Variants in ANKRD46 observed in about 807,000 individuals in gnomAD.
The protein encoded by ANKRD46 is ankyrin repeat domain-containing protein 46.
Under a neutral mutation model 19.8 loss-of-function variants are expected in ANKRD46, and 13 were observed. The observed-to-expected ratio is 0.66, with a 90% CI of 0.43 to 1.04. ANKRD46 has a LOEUF of 1.04. Among genes scored for constraint, ANKRD46 ranks in the 50% least tolerant of loss-of-function variants. The pLI is 0.00. For missense variants in ANKRD46, 185 were observed against 274.8 expected (o/e 0.67, Z 2.31); for synonymous variants, 91 against 106.9 (o/e 0.85, Z 0.92).
rs1295445280 is a variant in ANKRD46 at position 100,557,519 on chromosome 8, CAG to C, written c.-131+2190_-131+2191del. ...TACAGTCAACACTGAACACAGCAGC[CAG>C]AGTGATCCTTTAAAAACCTTAAGCC... On this transcript the variant is annotated intron_variant, in intron 1 of 4. Transcript: ENST00000335659. This position sits in a 1 kb window ranked among gnomAD's most constrained non-coding sequence, Gnocchi z 5.9. 6.6e-6 allele frequency among the ~76,000 whole-genome samples: 1 copy of C among 152,180 alleles called. No homozygotes were observed. Among genetic ancestry groups the C allele is most frequent in the East Asian group, 1.9e-4 (1 of 5,202 alleles).
At position 100,537,118 on chromosome 8, in the gene ANKRD46, T is replaced by G. The variant is rs1437310542; in HGVS notation, c.-130-3807A>C. On this transcript the variant is annotated intron_variant, in intron 1 of 4. Transcript: ENST00000335659. This position sits in a 1 kb window ranked among gnomAD's most constrained non-coding sequence, Gnocchi z 4.2. ...TTGGATCCACAATCTTAGGTCAATC[T>G]GTAAAACTTTAAGATATAATAGTAT... Among the ~76,000 whole-genome samples, 1 of 152,218 alleles carries G rather than the reference T, an allele frequency of 6.6e-6. No homozygotes were observed. The highest frequency in any genetic ancestry group is 1.5e-5 in the Non-Finnish European group (1 of 68,024).
chr8:100,522,276 C>T lies in ANKRD46; in HGVS notation c.*279G>A. On this transcript the variant is annotated 3_prime_UTR_variant, in exon 5 of 5. Transcript: ENST00000335659. ...AGCTTCTTCCTTTATCTTCCATTCT[C>T]TAGTCACTTCCGTGTTTTTATCAAA... 1 of 1,215,900 alleles carries T rather than the reference C, an allele frequency of 8.2e-7. No individual in the cohort carries two copies. The highest frequency in any genetic ancestry group is 2.4e-5 in the South Asian group (1 of 42,288). The allele number at this position is 1,215,900 out of a possible 1,614,324, so 75.3% of individuals were successfully genotyped here.
Position 100,557,177 on chromosome 8 carries a change from C to T in ANKRD46, c.-131+2534G>A, listed in dbSNP as rs191216970. On this transcript the variant is annotated intron_variant, in intron 1 of 4. Transcript: ENST00000335659. This position sits in a 1 kb window ranked among gnomAD's most constrained non-coding sequence, Gnocchi z 5.9. ...CAGTTGGACCTTTCTCTTCAACTCCCGTCTCTATAACCCCACTTGAACAGG... is the reference window on the plus strand; with the variant it reads ...CAGTTGGACCTTTCTCTTCAACTCCTGTCTCTATAACCCCACTTGAACAGG... Among the ~76,000 whole-genome samples the T allele has an allele frequency of 8.9e-4, 135 of 152,306 alleles. No individual in the cohort carries two copies. Among genetic ancestry groups the T allele is most frequent in the African/African-American group, 3.0e-3 (126 of 41,560 alleles).
rs2022926 is a variant in ANKRD46, at chr8:100,536,981, T to C, written c.-130-3670A>G. On this transcript the variant is annotated intron_variant, in intron 1 of 4. Transcript: ENST00000335659. The surrounding 1 kb of genome is among the most constrained non-coding windows in gnomAD (Gnocchi z 4.9). Reference sequence around the variant, plus strand: ...ATCGCGGCAACAAGAGCTTCTTATGTCAACCAGCGTGATTGTCTCAACCCA... The same window carrying C: ...ATCGCGGCAACAAGAGCTTCTTATGCCAACCAGCGTGATTGTCTCAACCCA... Among the ~76,000 whole-genome samples the C allele has an allele frequency of 7.4e-3, 1,129 of 152,306 alleles. 19 individuals are homozygous for C. The highest frequency in any genetic ancestry group is 0.026 in the African/African-American group (1,078 of 41,554).
Position 100,536,841 on chromosome 8 carries a change from T to C in ANKRD46, c.-130-3530A>G, listed in dbSNP as rs1270433991. Among the ~76,000 whole-genome samples the C allele has an allele frequency of 9.2e-5, 14 of 152,144 alleles. No individual in the cohort carries two copies. The East Asian group carries it at 2.5e-3, about 27-fold the overall frequency. The stretch of plus-strand genomic sequence containing the variant: ...TAAAAGCAGAACTTTGGGGGTCAGG[T>C]TTTTGAGGGCTGGTGTAGCCTGACA... On this transcript the variant is annotated intron_variant, in intron 1 of 4. Transcript: ENST00000335659. The surrounding 1 kb of genome is among the most constrained non-coding windows in gnomAD (Gnocchi z 4.9).
At position 100,559,335 on chromosome 8, in the gene ANKRD46, G is replaced by C. The variant is rs1812566222; in HGVS notation, c.-131+376C>G. Reference sequence around the variant, plus strand: ...TGCAAGCACACGCCGCGAAAGCACCGTCTCGCCCCGGCCGAGCAGCTGGAC... The same window carrying C: ...TGCAAGCACACGCCGCGAAAGCACCCTCTCGCCCCGGCCGAGCAGCTGGAC... On this transcript the variant is annotated intron_variant, in intron 1 of 4. Transcript: ENST00000335659. This position sits in a 1 kb window ranked among gnomAD's most constrained non-coding sequence, Gnocchi z 6.0. 1 of 152,444 alleles carries C rather than the reference G, an allele frequency of 6.6e-6. No individual in the cohort carries two copies. The highest frequency in any genetic ancestry group is 1.5e-5 in the Non-Finnish European group (1 of 68,226). The allele number at this position is 152,444 out of a possible 1,614,324, so 9.4% of individuals were successfully genotyped here.
chr8:100,528,877 G>T (rs746683841), intron 3 of ANKRD46, among the ~76,000 whole-genome samples: 1 of 152,134 alleles, frequency 6.6e-6, no homozygotes, highest in Non-Finnish European at 1.5e-5. Context: ...TTTTACAGGT[G>T]ACTTGACATC....
At chr8:100,549,503 T>TA (rs1385104738) in intron 1 of ANKRD46, among the ~76,000 whole-genome samples, 1 of 152,242 alleles carries the variant, frequency 6.6e-6, no homozygotes, top group East Asian at 1.9e-4. Flanking sequence ...TAATTTTGCA[T>TA]AAAAATTGCA....
chr8:100,513,212 T>C (rs1296312478), intron 5 of ANKRD46, among the ~76,000 whole-genome samples: 1 of 152,208 alleles, frequency 6.6e-6, no homozygotes, highest in Non-Finnish European at 1.5e-5. Context: ...TCCTTTCAGA[T>C]GTGGGTCTTC....
At chr8:100,531,278 C>T (rs1374232940) in intron 2 of ANKRD46, among the ~76,000 whole-genome samples, 1 of 152,200 alleles carries the variant, frequency 6.6e-6, no homozygotes, top group Non-Finnish European at 1.5e-5. Flanking sequence ...TTGGCTTATA[C>T]AGCTGATCAG....
In ANKRD46 at chr8:100,557,387, C is replaced by T. The variant is rs992970676; in HGVS notation, c.-131+2324G>A. Among the ~76,000 whole-genome samples the T allele has an allele frequency of 2.6e-5, 4 of 152,238 alleles. No homozygotes were observed. Among genetic ancestry groups the T allele is most frequent in the African/African-American group, 2.4e-5 (1 of 41,464 alleles). ...CCTATCAGCAATACTCAGAATACGA[C>T]GGCTTCTTACTGCCTCTCTTACTAC... On this transcript the variant is annotated intron_variant, in intron 1 of 4. Coordinates refer to ENST00000335659, the MANE Select transcript of ANKRD46 (RefSeq NM_001270377.2). This position sits in a 1 kb window ranked among gnomAD's most constrained non-coding sequence, Gnocchi z 5.9.
rs1811991874 is a variant in ANKRD46 at position 100,532,790 on chromosome 8, G to A, written c.-28+419C>T. Among the ~76,000 whole-genome samples, 1 of 152,192 alleles carries A rather than the reference G, an allele frequency of 6.6e-6. No individual in the cohort carries two copies. The highest frequency in any genetic ancestry group is 1.5e-5 in the Non-Finnish European group (1 of 68,038). ...GCTGCAGGTTGGACAAGCTTGCACAGTATTGAATCATAAAAATGGAAAAGC... is the reference window on the plus strand; with the variant it reads ...GCTGCAGGTTGGACAAGCTTGCACAATATTGAATCATAAAAATGGAAAAGC... On this transcript the variant is annotated intron_variant, in intron 2 of 4. Coordinates refer to ENST00000335659, the MANE Select transcript of ANKRD46 (RefSeq NM_001270377.2). The surrounding 1 kb of genome is among the most constrained non-coding windows in gnomAD (Gnocchi z 4.7).
At chr8:100,528,699 A>G (rs1458788820) in intron 3 of ANKRD46, among the ~76,000 whole-genome samples, 4 of 152,194 alleles carry the variant, frequency 2.6e-5, no homozygotes, top group Non-Finnish European at 5.9e-5. Flanking sequence ...GCAGCTATTT[A>G]GCGCTAATAA....
chr8:100,512,416 A>G (rs1811562614), intron 5 of ANKRD46, among the ~76,000 whole-genome samples: 1 of 152,240 alleles, frequency 6.6e-6, no homozygotes, highest in Admixed American at 6.5e-5. Flanking sequence ...CAGAATGAGA[A>G]TTCCAGAATG....
At chr8:100,541,436 G>A (rs753857206) in intron 1 of ANKRD46, among the ~76,000 whole-genome samples, 14 of 152,116 alleles carry the variant, frequency 9.2e-5, no homozygotes, top group Admixed American at 1.3e-4. Context: ...GTCACGTGTC[G>A]CTTAATGATG....
rs532964547 is a variant in ANKRD46, at chr8:100,545,007, T to C, written c.-130-11696A>G. 4.6e-5 allele frequency among the ~76,000 whole-genome samples: 7 copies of C among 152,280 alleles called. No individual in the cohort carries two copies. The highest frequency in any genetic ancestry group is 7.3e-5 in the Non-Finnish European group (5 of 68,032). On this transcript the variant is annotated intron_variant, in intron 1 of 4. Coordinates refer to ENST00000335659, the MANE Select transcript of ANKRD46 (RefSeq NM_001270377.2). This position sits in a 1 kb window ranked among gnomAD's most constrained non-coding sequence, Gnocchi z 4.7. ...ACAGTCCCAAATGGATATTTTGCCA[T>C]GGCCTTAATATCATATCTAAAACCA...
intron 2 of ANKRD46, among the ~76,000 whole-genome samples, chr8:100,531,324 C>T (rs62515184): frequency 0.051 from 7,689 of 152,228 alleles, 300 homozygotes; most frequent in Non-Finnish European, 0.074. Context: ...TGGAACTGGA[C>T]GCTAGACCCA....
rs1009718254 is a variant in ANKRD46, at chr8:100,510,263, A to G, written c.*314T>C. 3.2e-6 allele frequency: 1 copy of G among 309,502 alleles called. No individual in the cohort carries two copies. Among genetic ancestry groups the G allele is most frequent in the Non-Finnish European group, 5.9e-6 (1 of 168,808 alleles). The allele number at this position is 309,502 out of a possible 1,614,324, so 19.2% of individuals were successfully genotyped here. A position where few individuals can be genotyped will look rare whatever the true frequency, so the allele number is the denominator to read the frequency against. On this transcript the variant is annotated 3_prime_UTR_variant, in exon 6 of 6. Coordinates refer to the ANKRD46 transcript ENST00000520552. The surrounding 1 kb of genome is among the most constrained non-coding windows in gnomAD (Gnocchi z 4.9). ...AGACACCACGGCAGCCTTTTGTTCA[A>G]GATCAAATGGATGTGATTTGCCTTG...
At chr8:100,555,711 T>C (rs1812482907) in intron 1 of ANKRD46, among the ~76,000 whole-genome samples, 2 of 62,274 alleles carry the variant, frequency 3.2e-5, no homozygotes, top group Non-Finnish European at 6.0e-5. Flanking sequence ...CAACTTAATA[T>C]TTTCCTCAGC....
Sources: gnomAD v4.1 joint callset for allele counts (sites outside exome capture counted in the v4.1 genomes callset) on GRCh38, gnomAD v4.1.1 for gene constraint, Gnocchi (gnomAD v3.1) non-coding constraint, MANE v1.5 for transcripts, NCBI Gene and HGNC (gene_info 2026-07-23, HGNC 2026-07-21) for gene names.